The following RIMS1 variants were observed in gnomAD, a reference collection of about 807,000 sequenced individuals.
RIMS1 encodes regulating synaptic membrane exocytosis protein 1.
RIMS1 carries 83 observed loss-of-function variants against 214.1 expected under a neutral mutation model. The observed-to-expected ratio is 0.39, with a 90% CI of 0.32 to 0.47. The LOEUF is 0.47. Ranked by LOEUF, RIMS1 falls within the 20% of genes least tolerant of loss-of-function variation. The probability of loss-of-function intolerance (pLI) is 0.99; values close to 1 mark genes in which losing one functional copy is unlikely to be tolerated. For missense variants in RIMS1, 2,050 were observed against 2,161.8 expected (o/e 0.95, Z 1.03); for synonymous variants, 793 against 786.8 (o/e 1.01, Z -0.13).
At position 71,917,896 on chromosome 6, in the gene RIMS1, T is replaced by C. The variant is rs1036233262; in HGVS notation, c.164+30709T>C. ...AAAGGAGTCTATGATGTTTCCACTT[T>C]GGGGCCTGGGCATCTGGATGACTAA... On this transcript the variant is annotated intron_variant, in intron 1 of 33. Transcript: ENST00000521978. 6.5e-4 allele frequency among the ~76,000 whole-genome samples: 99 copies of C among 152,182 alleles called. 1 individual carries two copies. Among genetic ancestry groups the C allele is most frequent in the Admixed American group, 2.6e-4 (4 of 15,256 alleles).
At chr6:72,027,019 A>C (rs1816718070) in intron 2 of RIMS1, among the ~76,000 whole-genome samples, 1 of 152,254 alleles carries the variant, frequency 6.6e-6, no homozygotes, top group Non-Finnish European at 1.5e-5. Flanking sequence ...AAAATGAAGA[A>C]CAATACATTA....
At chr6:72,212,875 G>T in intron 6 of RIMS1, 2 of 1,174,134 alleles carry the variant, frequency 1.7e-6, no homozygotes, top group Non-Finnish European at 2.1e-6. Context: ...TTTTATCCAA[G>T]CAGTCCTTTG....
In RIMS1 at chr6:72,182,379, G is replaced by A; in HGVS notation, c.908G>A (p.Gly303Glu). 1 of 1,613,922 alleles carries A rather than the reference G, an allele frequency of 6.2e-7. No homozygotes were observed. Among genetic ancestry groups the A allele is most frequent in the East Asian group, 2.2e-5 (1 of 44,874 alleles). ...VPKTSAQPVE[G>E]AVEERERKER... ...AAGACCTCAGCGCAGCCCGTGGAGGGGGCCGTCGAAGAACGGGAGCGCAAA... is the reference window on the plus strand; with the variant it reads ...AAGACCTCAGCGCAGCCCGTGGAGGAGGCCGTCGAAGAACGGGAGCGCAAA... The change falls in exon 6 of 34, where the codon GGG becomes GAG. Residue 303 changes from glycine to glutamate, a missense_variant. By Grantham distance (98) the Gly-to-Glu change is moderately conservative (BLOSUM62 -2). Around this residue, in one of 6 missense-constraint regions of RIMS1, gnomAD observed 882 missense variants for 828.9 expected, o/e 1.06. Coordinates refer to ENST00000521978, the MANE Select transcript of RIMS1 (RefSeq NM_014989.7).
chr6:72,121,735 T>A (rs2153831540), intron 4 of RIMS1, among the ~76,000 whole-genome samples: 1 of 152,074 alleles, frequency 6.6e-6, no homozygotes, highest in East Asian at 1.9e-4. Flanking sequence ...TGTGCTAGTT[T>A]TCAAAGGGAA....
chr6:72,362,895 A>G (rs2097871630), intron 29 of RIMS1, among the ~76,000 whole-genome samples: 1 of 152,222 alleles, frequency 6.6e-6, no homozygotes, highest in Admixed American at 6.5e-5. Context: ...CATTCAAAAT[A>G]TATTTATTAA....
At chr6:71,995,013 A>G (rs1016964264) in intron 2 of RIMS1, among the ~76,000 whole-genome samples, 1 of 152,176 alleles carries the variant, frequency 6.6e-6, no homozygotes, top group African/African-American at 2.4e-5. Flanking sequence ...ATTATGTGAG[A>G]TCTATTAACA....
intron 9 of RIMS1, among the ~76,000 whole-genome samples, chr6:72,241,409 C>T (rs547918811): frequency 1.3e-5 from 2 of 152,154 alleles, no homozygotes; most frequent in East Asian, 1.9e-4. Flanking sequence ...GGCAGAGAAC[C>T]GTTTGGTACC....
chr6:72,182,454 C>T lies in RIMS1; in HGVS notation c.983C>T (p.Pro328Leu), dbSNP rs1261900827. The change falls in exon 6 of 34, where the codon CCA (proline) becomes CTA (leucine). Residue 328 changes from proline to leucine, a missense_variant. Physicochemically the swap from Pro to Leu is moderately conservative, Grantham distance 98. Coordinates refer to ENST00000521978, the MANE Select transcript of RIMS1 (RefSeq NM_014989.7). ...GAGAAAGGGCGATCACAGGATTACC[C>T]AGACACGCCGGAAAAACGGGATGAG... ...RLEKGRSQDY[P>L]DTPEKRDEGK... 1.2e-6 allele frequency: 2 copies of T among 1,613,628 alleles called. No individual in the cohort carries two copies. The highest frequency in any genetic ancestry group is 2.2e-5 in the South Asian group (2 of 91,054).
intron 4 of RIMS1, among the ~76,000 whole-genome samples, chr6:72,107,257 G>A (rs2034947033): frequency 6.6e-6 from 1 of 152,146 alleles, no homozygotes; most frequent in African/African-American, 2.4e-5. Flanking sequence ...TAAAATCCTG[G>A]TGGATAATAG....
chr6:71,897,531 A>G (rs1772193360), intron 1 of RIMS1, among the ~76,000 whole-genome samples: 1 of 152,168 alleles, frequency 6.6e-6, no homozygotes, highest in Non-Finnish European at 1.5e-5. Context: ...TTTTCTCTCC[A>G]TCAGAAATAT....
At chr6:72,133,852 A>C (rs1416253911) in intron 4 of RIMS1, among the ~76,000 whole-genome samples, 2 of 152,166 alleles carry the variant, frequency 1.3e-5, no homozygotes, top group Admixed American at 6.5e-5. Context: ...AAAAGCATGA[A>C]AGATAGTTAC....
intron 29 of RIMS1, among the ~76,000 whole-genome samples, chr6:72,383,157 C>G (rs1463717712): frequency 6.6e-6 from 1 of 152,116 alleles, no homozygotes; most frequent in East Asian, 1.9e-4. Context: ...CTCCCCTTCT[C>G]TTCTTCTCTT....
intron 29 of RIMS1, among the ~76,000 whole-genome samples, 173 bp downstream of exon 29, chr6:72,334,008 C>T (rs999820766): frequency 6.6e-6 from 1 of 151,722 alleles, no homozygotes; most frequent in Non-Finnish European, 1.5e-5. Context: ...TTTTTCTGTA[C>T]AGCTCTCTTC....
chr6:72,225,943 A>G (rs145257426), intron 6 of RIMS1, among the ~76,000 whole-genome samples: 535 of 152,270 alleles, frequency 3.5e-3, no homozygotes, highest in Non-Finnish European at 5.4e-3. Context: ...ATATTTACAC[A>G]TGAAATTTAT....
chr6:72,036,786 G>A (rs1045646917), intron 2 of RIMS1, among the ~76,000 whole-genome samples: 5 of 152,122 alleles, frequency 3.3e-5, no homozygotes, highest in Admixed American at 3.3e-4. Flanking sequence ...ACAAGCTGAA[G>A]CCATCTAAAG....
In RIMS1 at chr6:71,984,773, A is replaced by C. The variant is rs76587209; in HGVS notation, c.245+15710A>C. 1.2e-4 allele frequency among the ~76,000 whole-genome samples: 17 copies of C among 146,740 alleles called. 1 individual carries two copies. The highest frequency in any genetic ancestry group is 4.4e-4 in the South Asian group (2 of 4,560). ...TGTATGTATGTATGTATGTATGTAC[A>C]TATCTATCTATCTATCTATCTATCT... On this transcript the variant is annotated intron_variant, in intron 2 of 33. Coordinates refer to ENST00000521978, the MANE Select transcript of RIMS1 (RefSeq NM_014989.7).
intron 4 of RIMS1, among the ~76,000 whole-genome samples, chr6:72,171,451 T>C (rs764108880): frequency 2.0e-4 from 31 of 152,114 alleles, no homozygotes; most frequent in Non-Finnish European, 3.7e-4. Context: ...TGTATGAATC[T>C]GATAGCCCCC....
intron 31 of RIMS1, 118 bp downstream of exon 31, chr6:72,392,928 A>T (rs1227647201): frequency 1.4e-6 from 1 of 697,704 alleles, no homozygotes; most frequent in African/African-American, 1.8e-5. Flanking sequence ...TTAGCTACAG[A>T]GTTACTGTTT....
chr6:71,976,938 T>C (rs1797297824), intron 2 of RIMS1, among the ~76,000 whole-genome samples: 1 of 152,160 alleles, frequency 6.6e-6, no homozygotes, highest in East Asian at 1.9e-4. Flanking sequence ...GGGTCTTTGA[T>C]ATTGTGAATA....
Sources: allele counts gnomAD v4.1 joint callset (sites outside exome capture counted in the v4.1 genomes callset), GRCh38; gene constraint gnomAD v4.1.1; regional missense constraint gnomAD v4.1.1; transcripts MANE v1.5; gene names NCBI Gene and HGNC (gene_info 2026-07-23, HGNC 2026-07-21).